The following DAB1 variants were observed in gnomAD, a reference collection of about 807,000 sequenced individuals.
DAB1 encodes DAB adaptor protein 1, also known as disabled homolog 1.
A neutral mutation model predicts 64.6 loss-of-function variants in DAB1; 15 were observed. The ratio of observed to expected loss-of-function variants is 0.23; its 90% CI spans 0.16 to 0.36. The LOEUF is 0.36. DAB1 is among the 10% of genes least tolerant of loss of function. The pLI is 1.00. For synonymous variants in DAB1, 235 were observed against 251.9 expected (o/e 0.93, Z 0.64); for missense variants, 596 against 706.7 (o/e 0.84, Z 1.78).
chr1:57,506,433 G>A (rs1644344450), intron 7 of DAB1, among the ~76,000 whole-genome samples: 1 of 152,162 alleles, frequency 6.6e-6, no homozygotes, highest in South Asian at 2.1e-4. Flanking sequence ...TTTACCACAT[G>A]GGGTGAAGTG....
chr1:57,195,201 G>A (rs1664525387), intron 2 of DAB1, among the ~76,000 whole-genome samples: 1 of 152,044 alleles, frequency 6.6e-6, no homozygotes, highest in Non-Finnish European at 1.5e-5. Flanking sequence ...AACGTTTATG[G>A]AATCTAGTAG....
chr1:58,527,175 C>T lies in DAB1; in HGVS notation n.107+86G>A, dbSNP rs1646365137. On this transcript the variant is annotated intron_variant and non_coding_transcript_variant, in intron 2 of 20. Coordinates refer to the DAB1 transcript ENST00000485760. The stretch of plus-strand genomic sequence containing the variant: ...AATACAGTCCAACTCTCATTCTCTG[C>T]TTATGCCAAGCCTCATTAAAATAAC... The T allele has an allele frequency of 5.1e-6, 4 of 790,164 alleles. No homozygotes were observed. The African/African-American group carries it at 5.1e-5, about 10-fold the overall frequency. The allele number at this position is 790,164 out of a possible 1,614,324, so 48.9% of individuals were successfully genotyped here.
At chr1:57,771,183 C>T (rs1649545286) in intron 6 of DAB1, among the ~76,000 whole-genome samples, 1 of 152,118 alleles carries the variant, frequency 6.6e-6, no homozygotes, top group African/African-American at 2.4e-5. Flanking sequence ...TGTCACACAG[C>T]TGATAAGTGG....
At chr1:57,025,954 A>C in intron 10 of DAB1, 27 bp downstream of exon 10, 1 of 1,534,368 alleles carries the variant, frequency 6.5e-7, no homozygotes, top group South Asian at 1.3e-5. Flanking sequence ...TTCAGAGAGC[A>C]GGGTTCAGAG....
chr1:57,528,508 AT>A (rs557980047), intron 7 of DAB1, among the ~76,000 whole-genome samples: 2 of 152,182 alleles, frequency 1.3e-5, no homozygotes, highest in South Asian at 4.1e-4. Flanking sequence ...TCCAAATTTG[AT>A]TTTTTAAAAC....
At chr1:57,929,764 C>G (rs943177963) in intron 5 of DAB1, among the ~76,000 whole-genome samples, 1 of 152,082 alleles carries the variant, frequency 6.6e-6, no homozygotes, top group Admixed American at 6.6e-5. Context: ...AGGGATCATG[C>G]CTGATGCACA....
chr1:57,918,828 A>T (rs1425448885), intron 5 of DAB1, among the ~76,000 whole-genome samples: 1 of 152,068 alleles, frequency 6.6e-6, no homozygotes, highest in East Asian at 1.9e-4. Flanking sequence ...CGTCTCAAAA[A>T]AAAAAAGAGA....
chr1:58,033,478 C>T (rs1257960676), intron 5 of DAB1, among the ~76,000 whole-genome samples: 3 of 152,158 alleles, frequency 2.0e-5, no homozygotes, highest in African/African-American at 4.8e-5. Flanking sequence ...GTGCTGTTTC[C>T]TATCGGGAAT....
At chr1:57,095,143 T>C (rs1198315946) in intron 4 of DAB1, among the ~76,000 whole-genome samples, 3 of 152,148 alleles carry the variant, frequency 2.0e-5, no homozygotes, top group Admixed American at 2.0e-4. Context: ...ACCTCTGCAT[T>C]GAGTTTACCG....
At chr1:57,892,274 G>C (rs1250575547) in intron 5 of DAB1, among the ~76,000 whole-genome samples, 1 of 152,120 alleles carries the variant, frequency 6.6e-6, no homozygotes, top group African/African-American at 2.4e-5. Context: ...TTCTACACTT[G>C]AGTCTTCTAT....
At chr1:57,796,537 A>C (rs1650875794) in intron 6 of DAB1, among the ~76,000 whole-genome samples, 1 of 145,560 alleles carries the variant, frequency 6.9e-6, no homozygotes, top group Non-Finnish European at 1.5e-5. Context: ...AATAATAACA[A>C]TGATAATAAT....
intron 6 of DAB1, among the ~76,000 whole-genome samples, chr1:57,697,739 T>C (rs1646861885): frequency 6.6e-6 from 1 of 152,144 alleles, no homozygotes; most frequent in Non-Finnish European, 1.5e-5. Context: ...TGAAGAGAGA[T>C]TACCTAGGAA....
chr1:57,760,180 T>G (rs1649009476), intron 6 of DAB1, among the ~76,000 whole-genome samples: 1 of 152,096 alleles, frequency 6.6e-6, no homozygotes, highest in Non-Finnish European at 1.5e-5. Flanking sequence ...GCTGCACTTG[T>G]CACTTATGCA....
chr1:58,159,610 T>C (rs1655413861), intron 4 of DAB1, among the ~76,000 whole-genome samples: 1 of 152,228 alleles, frequency 6.6e-6, no homozygotes, highest in Non-Finnish European at 1.5e-5. Context: ...CTATGGATCA[T>C]CAGTCTTCTC....
At chr1:57,311,204 A>G (rs1301996070) in intron 1 of DAB1, among the ~76,000 whole-genome samples, 1 of 152,144 alleles carries the variant, frequency 6.6e-6, no homozygotes, top group Non-Finnish European at 1.5e-5. Context: ...TGCTGTTCTA[A>G]TGACATAGTG....
At chr1:57,124,188 A>C (rs1390187262) in intron 4 of DAB1, among the ~76,000 whole-genome samples, 3 of 152,224 alleles carry the variant, frequency 2.0e-5, no homozygotes, top group Non-Finnish European at 4.4e-5. Flanking sequence ...CCCAAACATA[A>C]GACATTCCTT....
At chr1:57,997,580 C>T (rs1646444651) in intron 5 of DAB1, among the ~76,000 whole-genome samples, 1 of 152,072 alleles carries the variant, frequency 6.6e-6, no homozygotes, top group South Asian at 2.1e-4. Context: ...ACAGATTTGC[C>T]ACCACTAACA....
At chr1:57,371,200 C>A (rs138077318) in intron 1 of DAB1, among the ~76,000 whole-genome samples, 964 of 152,324 alleles carry the variant, frequency 6.3e-3, no homozygotes, top group South Asian at 0.012. Flanking sequence ...ACAACCGAGG[C>A]ATGGAGACTG....
At chr1:57,637,013 A>T (rs1646065141) in intron 7 of DAB1, among the ~76,000 whole-genome samples, 2 of 152,220 alleles carry the variant, frequency 1.3e-5, no homozygotes, top group East Asian at 1.9e-4. Context: ...ACATAAATTA[A>T]TTGGGGTCTT....
Sources: allele counts gnomAD v4.1 joint callset (sites outside exome capture counted in the v4.1 genomes callset), GRCh38; gene constraint gnomAD v4.1.1; transcripts MANE v1.5; gene names NCBI Gene and HGNC (gene_info 2026-07-23, HGNC 2026-07-21).